DLG2: variants seen among roughly 807,000 people sequenced by gnomAD.
The protein encoded by DLG2 is disks large homolog 2.
A neutral mutation model predicts 132.5 loss-of-function variants in DLG2; 45 were observed. The observed-to-expected ratio is 0.34, with a 90% CI of 0.27 to 0.44. The LOEUF is 0.44. Ranked by LOEUF, DLG2 falls within the 20% of genes least tolerant of loss-of-function variation. The pLI is 1.00. For synonymous variants in DLG2, 424 were observed against 419.6 expected (o/e 1.01, Z -0.13); for missense variants, 1,045 against 1,196.9 (o/e 0.87, Z 1.87).
In DLG2 at chr11:85,429,218, A is replaced by G. The variant is rs190427421; in HGVS notation, c.41-143853T>C. ...AGAGGTACAAGGAGGAGCTGGTACC[A>G]TTCCTTCTGAAACTATTCCAATCAG... On this transcript the variant is annotated intron_variant, in intron 3 of 27. Transcript: ENST00000376104. Among the ~76,000 whole-genome samples, 844 of 152,326 alleles carry G rather than the reference A, an allele frequency of 5.5e-3. 8 individuals carry two copies. The highest frequency in any genetic ancestry group is 0.019 in the African/African-American group (781 of 41,572).
intron 6 of DLG2, among the ~76,000 whole-genome samples, chr11:84,911,848 T>C (rs554421833): frequency 1.1e-4 from 16 of 152,156 alleles, no homozygotes; most frequent in Non-Finnish European, 1.9e-4. Context: ...CCCAAGCAAT[T>C]TGGGGAGTGG....
At chr11:83,783,026 G>A (rs2094900740) in intron 18 of DLG2, among the ~76,000 whole-genome samples, 1 of 152,192 alleles carries the variant, frequency 6.6e-6, no homozygotes, top group South Asian at 2.1e-4. Flanking sequence ...TACAATGTAT[G>A]TAATCCTCTT....
intron 3 of DLG2, among the ~76,000 whole-genome samples, chr11:85,343,867 T>C (rs1233844918): frequency 5.3e-5 from 8 of 152,150 alleles, no homozygotes; most frequent in African/African-American, 1.4e-4. Flanking sequence ...GCAAATGGGC[T>C]TTGAGCGTAA....
chr11:84,943,557 T>C (rs1009502401), intron 6 of DLG2, among the ~76,000 whole-genome samples: 3 of 152,214 alleles, frequency 2.0e-5, no homozygotes, highest in Non-Finnish European at 4.4e-5. Flanking sequence ...CGTAACATGT[T>C]ATTTTCAACT....
chr11:84,325,681 T>C (rs2098426912), intron 7 of DLG2, among the ~76,000 whole-genome samples: 1 of 152,224 alleles, frequency 6.6e-6, no homozygotes, highest in Non-Finnish European at 1.5e-5. Flanking sequence ...TTTGCATCTA[T>C]ATTCATTGAC....
In DLG2 at chr11:84,954,337, G is replaced by T. The variant is rs559317846; in HGVS notation, c.357+157324C>A. On this transcript the variant is annotated intron_variant, in intron 6 of 27. Coordinates refer to ENST00000376104, the MANE Select transcript of DLG2 (RefSeq NM_001142699.3). ...GATCAAGGAGCAATAGTCAAGGGAG[G>T]CATCTTAAAGGATAAAAAAAAAAAA... 4.2e-5 allele frequency among the ~76,000 whole-genome samples: 6 copies of T among 142,254 alleles called. No individual in the cohort carries two copies. In the South Asian group the frequency reaches 1.4e-3, roughly 33 times the overall value. The allele number at this position is 142,254 out of a possible 152,430, so 93.3% of individuals were successfully genotyped here. A position where few individuals can be genotyped will look rare whatever the true frequency, so the allele number is the denominator to read the frequency against.
chr11:83,803,716 C>T (rs2045137644), intron 17 of DLG2, among the ~76,000 whole-genome samples: 2 of 152,086 alleles, frequency 1.3e-5, no homozygotes, highest in Non-Finnish European at 2.9e-5. Flanking sequence ...GTTCTTGTTT[C>T]CTTTTTTCCT....
intron 3 of DLG2, among the ~76,000 whole-genome samples, chr11:85,484,296 G>C (rs2153095480): frequency 6.8e-6 from 1 of 146,264 alleles, no homozygotes; most frequent in South Asian, 2.2e-4. Flanking sequence ...CATGGGCAAA[G>C]ACTTCATGTC....
intron 7 of DLG2, among the ~76,000 whole-genome samples, chr11:84,501,991 T>C (rs2099207306): frequency 6.6e-6 from 1 of 152,158 alleles, no homozygotes; most frequent in Non-Finnish European, 1.5e-5. Context: ...TGCAGTTTCA[T>C]CTGTAAAATG....
chr11:85,075,088 C>T (rs1826613), intron 6 of DLG2, among the ~76,000 whole-genome samples: 36,580 of 151,626 alleles, frequency 0.24, 4,657 homozygotes, highest in Middle Eastern at 0.3. Flanking sequence ...TAACACAGGA[C>T]ATTCAAAATA....
At chr11:85,021,233 C>G in intron 6 of DLG2, 2 of 1,276,456 alleles carry the variant, frequency 1.6e-6, no homozygotes, top group East Asian at 4.6e-5. Flanking sequence ...GAGGGCACTA[C>G]AGCCCGAGCA....
At chr11:84,013,060 A>C (rs1566035889) in intron 11 of DLG2, among the ~76,000 whole-genome samples, 1 of 152,172 alleles carries the variant, frequency 6.6e-6, no homozygotes, top group South Asian at 2.1e-4. Flanking sequence ...TACCTTTAGA[A>C]GGGATTCCCC....
intron 10 of DLG2, among the ~76,000 whole-genome samples, chr11:84,085,632 C>A (rs781725520): frequency 4.6e-5 from 7 of 152,216 alleles, no homozygotes; most frequent in Non-Finnish European, 8.8e-5. Flanking sequence ...ATTCCTATGT[C>A]TCCTGCCTTC....
chr11:85,097,919 G>A (rs1409932163), intron 6 of DLG2, among the ~76,000 whole-genome samples: 1 of 152,200 alleles, frequency 6.6e-6, no homozygotes, highest in East Asian at 1.9e-4. Context: ...TAGGGGTAGA[G>A]TAGAATTAGT....
intron 7 of DLG2, among the ~76,000 whole-genome samples, chr11:84,391,533 G>A (rs918103799): frequency 6.6e-6 from 1 of 151,894 alleles, no homozygotes; most frequent in Non-Finnish European, 1.5e-5. Flanking sequence ...TCAAACAATC[G>A]ATATTTTACC....
intron 17 of DLG2, among the ~76,000 whole-genome samples, chr11:83,822,464 A>G (rs562148043): frequency 6.6e-6 from 1 of 152,232 alleles, no homozygotes; most frequent in Admixed American, 6.5e-5. Flanking sequence ...ACAATTCAAG[A>G]CAGGAAGGAG....
chr11:85,501,927 C>G (rs923623249), intron 3 of DLG2, among the ~76,000 whole-genome samples: 1 of 152,102 alleles, frequency 6.6e-6, no homozygotes, highest in Non-Finnish European at 1.5e-5. Flanking sequence ...GGCATATACC[C>G]AAAGGATTAT....
At chr11:85,174,488 G>A (rs2079085319) in intron 4 of DLG2, among the ~76,000 whole-genome samples, 1 of 152,094 alleles carries the variant, frequency 6.6e-6, no homozygotes, top group Non-Finnish European at 1.5e-5. Context: ...GAAATTTACA[G>A]CACTAAATGC....
chr11:84,185,030 T>C (rs1325055409), intron 8 of DLG2, among the ~76,000 whole-genome samples: 1 of 152,112 alleles, frequency 6.6e-6, no homozygotes, highest in Non-Finnish European at 1.5e-5. Flanking sequence ...GTTCTTTTGG[T>C]TTAGGATTGA....
Sources: gnomAD v4.1 joint callset for allele counts (sites outside exome capture counted in the v4.1 genomes callset) on GRCh38, gnomAD v4.1.1 for gene constraint, MANE v1.5 for transcripts, NCBI Gene and HGNC (gene_info 2026-07-23, HGNC 2026-07-21) for gene names.